AUTS2: variants seen among roughly 807,000 people sequenced by gnomAD.
AUTS2 encodes the protein autism susceptibility gene 2 protein.
A neutral mutation model predicts 112.4 loss-of-function variants in AUTS2; 17 were observed. That is an observed-to-expected ratio of 0.15 (90% CI 0.10 to 0.23). The LOEUF is 0.23. Among genes scored for constraint, AUTS2 ranks in the 10% least tolerant of loss-of-function variants. The probability of loss-of-function intolerance (pLI) is 1.00; values close to 1 mark genes in which losing one functional copy is unlikely to be tolerated. For synonymous variants in AUTS2, 751 were observed against 702.7 expected (o/e 1.07, Z -1.09); for missense variants, 1,510 against 1,701.6 (o/e 0.89, Z 1.98).
rs1808619096 is a variant in AUTS2, at chr7:70,170,505, TAAA to T, written c.660+35935_660+35937del. On this transcript the variant is annotated intron_variant, in intron 4 of 18. Coordinates refer to ENST00000342771, the MANE Select transcript of AUTS2 (RefSeq NM_015570.4). ...ATTATTTCCATTTCTATTTTGGTAGTAAAGGTAAATGAACAAGCATTATAGATC... is the reference window on the plus strand; with the variant it reads ...ATTATTTCCATTTCTATTTTGGTAGTGGTAAATGAACAAGCATTATAGATC... 3.3e-5 allele frequency among the ~76,000 whole-genome samples: 5 copies of T among 152,062 alleles called. No homozygotes were observed. The South Asian group carries it at 8.3e-4, about 25-fold the overall frequency.
intron 5 of AUTS2, among the ~76,000 whole-genome samples, chr7:70,646,994 G>A (rs1806206030): frequency 6.6e-6 from 1 of 152,202 alleles, no homozygotes; most frequent in African/African-American, 2.4e-5. Context: ...TGCCACCTCT[G>A]TGTCTGGGCT....
chr7:70,231,370 C>T (rs1232769119), intron 4 of AUTS2, among the ~76,000 whole-genome samples: 1 of 152,216 alleles, frequency 6.6e-6, no homozygotes, highest in Admixed American at 6.5e-5. Flanking sequence ...CTTCTAGTTT[C>T]ATCCCAGAGT....
chr7:70,508,746 G>A (rs1198039071), intron 5 of AUTS2, among the ~76,000 whole-genome samples: 3 of 152,212 alleles, frequency 2.0e-5, no homozygotes, highest in African/African-American at 7.2e-5. Context: ...TAACTGTATA[G>A]TTAGTAATCA....
chr7:70,135,045 G>A (rs1806479501), intron 4 of AUTS2, among the ~76,000 whole-genome samples: 1 of 152,074 alleles, frequency 6.6e-6, no homozygotes, highest in Non-Finnish European at 1.5e-5. Context: ...CTCACAGTCT[G>A]GGTAGTTTGC....
chr7:69,778,378 T>C (rs1788990819), intron 1 of AUTS2, among the ~76,000 whole-genome samples: 1 of 151,788 alleles, frequency 6.6e-6, no homozygotes, highest in Non-Finnish European at 1.5e-5. Flanking sequence ...CTTGGCTGTA[T>C]GTTAGAATCA....
intron 2 of AUTS2, among the ~76,000 whole-genome samples, chr7:69,936,438 C>T (rs1448430923): frequency 1.3e-5 from 2 of 152,120 alleles, no homozygotes; most frequent in African/African-American, 2.4e-5. Context: ...CAAGCTCCAC[C>T]TCCTGGGTTC....
intron 2 of AUTS2, among the ~76,000 whole-genome samples, chr7:69,926,191 G>T (rs1796001857): frequency 6.6e-6 from 1 of 152,138 alleles, no homozygotes; most frequent in Admixed American, 6.5e-5. Flanking sequence ...TTATAGTGTT[G>T]CTCAGTTTTA....
intron 5 of AUTS2, 38 bp downstream of exon 5, chr7:70,435,819 A>G (rs376944022): frequency 4.6e-5 from 74 of 1,600,778 alleles, no homozygotes; most frequent in Non-Finnish European, 6.3e-5. Context: ...CACAGCACAT[A>G]ACACACTGAA....
chr7:70,628,564 A>T (rs1805084883), intron 5 of AUTS2, among the ~76,000 whole-genome samples: 1 of 149,002 alleles, frequency 6.7e-6, no homozygotes, highest in Non-Finnish European at 1.5e-5. Context: ...TTAATAGTAT[A>T]CCTACATCCC....
At position 69,850,361 on chromosome 7, in the gene AUTS2, T is replaced by C. The variant is rs181575511; in HGVS notation, c.310-48925T>C. Among the ~76,000 whole-genome samples the C allele has an allele frequency of 3.2e-4, 40 of 125,374 alleles. No individual in the cohort carries two copies. In the East Asian group the frequency reaches 9.0e-3, roughly 28 times the overall value. 82.3% of individuals were successfully genotyped at this position (125,374 alleles called of 152,430 possible). A position where few individuals can be genotyped will look rare whatever the true frequency, so the allele number is the denominator to read the frequency against. ...TTGCAGTGAGCCCGGATCATGCTAC[T>C]GCACTCCAGCCTGGGCAACAGAGCG... On this transcript the variant is annotated intron_variant, in intron 1 of 18. Transcript: ENST00000342771.
chr7:70,582,670 C>T (rs1221620483), intron 5 of AUTS2, among the ~76,000 whole-genome samples: 1 of 152,088 alleles, frequency 6.6e-6, no homozygotes, highest in Non-Finnish European at 1.5e-5. Flanking sequence ...TAATGAATTG[C>T]TGTTCATTTC....
At chr7:69,799,304 T>C (rs1789979534) in intron 1 of AUTS2, among the ~76,000 whole-genome samples, 1 of 152,200 alleles carries the variant, frequency 6.6e-6, no homozygotes, top group Non-Finnish European at 1.5e-5. Flanking sequence ...TTCATTTTTA[T>C]GTTTTTACCA....
chr7:70,138,525 TCTAA>T (rs1806687521), intron 4 of AUTS2, among the ~76,000 whole-genome samples: 2 of 152,240 alleles, frequency 1.3e-5, no homozygotes, highest in African/African-American at 4.8e-5. Flanking sequence ...CAGGTTTGAA[TCTAA>T]CTGTCTTAGA....
intron 4 of AUTS2, among the ~76,000 whole-genome samples, chr7:70,178,945 T>C (rs1809150961): frequency 6.6e-6 from 1 of 152,120 alleles, no homozygotes; most frequent in Non-Finnish European, 1.5e-5. Context: ...AAGTGTGTCT[T>C]TGTGTTGTTT....
intron 3 of AUTS2, among the ~76,000 whole-genome samples, chr7:70,125,011 G>A (rs897405700): frequency 1.3e-5 from 2 of 152,044 alleles, no homozygotes; most frequent in African/African-American, 4.8e-5. Context: ...ATGGAAAATA[G>A]TTATTACAGC....
chr7:69,697,550 G>C (rs1258543056), intron 1 of AUTS2, among the ~76,000 whole-genome samples: 2 of 152,196 alleles, frequency 1.3e-5, no homozygotes, highest in Non-Finnish European at 2.9e-5. Context: ...TTCTCAGACT[G>C]TCTTAGCTTT....
chr7:70,400,071 A>C (rs575646140), intron 4 of AUTS2, among the ~76,000 whole-genome samples: 1 of 152,364 alleles, frequency 6.6e-6, no homozygotes, highest in Non-Finnish European at 1.5e-5. Flanking sequence ...CAAACTAGTC[A>C]GCACTGAATT....
intron 1 of AUTS2, among the ~76,000 whole-genome samples, chr7:69,852,814 C>G (rs1472707976): frequency 1.3e-5 from 2 of 152,116 alleles, no homozygotes; most frequent in Non-Finnish European, 2.9e-5. Context: ...CTTGTGTCCC[C>G]TAAACTTGGT....
intron 1 of AUTS2, among the ~76,000 whole-genome samples, chr7:69,683,376 G>T (rs1796900462): frequency 6.6e-6 from 1 of 152,180 alleles, no homozygotes; most frequent in Non-Finnish European, 1.5e-5. Context: ...GCATATCAAT[G>T]CTTGCAGGTC....
Sources: allele counts gnomAD v4.1 joint callset (sites outside exome capture counted in the v4.1 genomes callset), GRCh38; gene constraint gnomAD v4.1.1; transcripts MANE v1.5; gene names NCBI Gene and HGNC (gene_info 2026-07-23, HGNC 2026-07-21).